The following TENM3 variants were observed in gnomAD, a reference collection of about 807,000 sequenced individuals.
The protein encoded by TENM3 is teneurin transmembrane protein 3, also known as teneurin-3.
TENM3 carries 63 observed loss-of-function variants against 255.1 expected under a neutral mutation model. That is an observed-to-expected ratio of 0.25 (90% confidence interval 0.20 to 0.30). The LOEUF (loss-of-function observed/expected upper bound fraction) is 0.30, where lower values mean the gene tolerates loss of function less well. Ranked by LOEUF, TENM3 falls within the 10% of genes least tolerant of loss-of-function variation. TENM3 has a pLI of 1.00. For synonymous variants in TENM3, 1,306 were observed against 1,322.3 expected, an observed-to-expected ratio of 0.99 and a Z score of 0.27; for missense variants, 2,929 against 3,461.1, an observed-to-expected ratio of 0.85 and a Z score of 3.86.
chr4:181,984,706 C>T, the TENM3 span, among the ~76,000 whole-genome samples: 23 of 151,724 alleles, frequency 1.5e-4, no homozygotes, highest in African/African-American at 5.6e-4. Context: ...ATTACTGTGA[C>T]ATTAATGTAC....
At chr4:182,387,725 C>T (rs1768067813) in intron 3 of TENM3, among the ~76,000 whole-genome samples, 1 of 151,958 alleles carries the variant, frequency 6.6e-6, no homozygotes, top group Non-Finnish European at 1.5e-5. Context: ...AGGTCTGCAG[C>T]TTCACTCCTG....
At chr4:182,585,471 T>A (rs138827950) in intron 3 of TENM3, among the ~76,000 whole-genome samples, 66 of 152,224 alleles carry the variant, frequency 4.3e-4, no homozygotes, top group African/African-American at 1.5e-3. Flanking sequence ...CGCATTAGCA[T>A]CCTTATAAGA....
chr4:181,873,127 G>T, the TENM3 span, among the ~76,000 whole-genome samples: 1 of 151,994 alleles, frequency 6.6e-6, no homozygotes, highest in African/African-American at 2.4e-5. Flanking sequence ...GAGTGCAGTG[G>T]CAAGATCTCA....
chr4:182,544,729 G>T (rs1741257833), intron 3 of TENM3, among the ~76,000 whole-genome samples: 1 of 152,194 alleles, frequency 6.6e-6, no homozygotes, highest in Non-Finnish European at 1.5e-5. Flanking sequence ...ATGGAAAGAA[G>T]GAGACATTCA....
At chr4:182,125,803 A>G in the TENM3 span, among the ~76,000 whole-genome samples, 1 of 150,804 alleles carries the variant, frequency 6.6e-6, no homozygotes. Context: ...AGTAATAACT[A>G]CATGCTTGGG....
chr4:182,497,999 A>G (rs1302749085), intron 3 of TENM3, among the ~76,000 whole-genome samples: 1 of 151,754 alleles, frequency 6.6e-6, no homozygotes, highest in Non-Finnish European at 1.5e-5. Flanking sequence ...AGTAATGAAA[A>G]CTCAGGATCA....
intron 6 of TENM3, among the ~76,000 whole-genome samples, chr4:182,656,424 T>C (rs1753751951): frequency 6.6e-6 from 1 of 152,200 alleles, no homozygotes. Context: ...AATATTGTTC[T>C]TAAAGACCTG....
chr4:181,889,158 T>G, the TENM3 span, among the ~76,000 whole-genome samples: 1 of 152,100 alleles, frequency 6.6e-6, no homozygotes, highest in Non-Finnish European at 1.5e-5. Context: ...TGCCCAGTGT[T>G]AGAGGTGGGG....
At chr4:181,583,560 G>A in the TENM3 span, among the ~76,000 whole-genome samples, 1 of 152,100 alleles carries the variant, frequency 6.6e-6, no homozygotes, top group Non-Finnish European at 1.5e-5. Flanking sequence ...TAAAAAACGT[G>A]GGGGCGTGCC....
At chr4:181,633,470 A>G in the TENM3 span, among the ~76,000 whole-genome samples, 2 of 152,158 alleles carry the variant, frequency 1.3e-5, no homozygotes, top group Non-Finnish European at 2.9e-5. Context: ...TGGAGGAGTC[A>G]CACTCCGAAA....
chr4:181,551,333 C>A, the TENM3 span, among the ~76,000 whole-genome samples: 7 of 152,140 alleles, frequency 4.6e-5, no homozygotes, highest in African/African-American at 1.7e-4. Flanking sequence ...GAAGGTCTTA[C>A]TTGAAATAAA....
intron 3 of TENM3, among the ~76,000 whole-genome samples, chr4:182,542,963 C>G (rs914322178): frequency 6.6e-6 from 1 of 152,206 alleles, no homozygotes; most frequent in African/African-American, 2.4e-5. Context: ...CAGCTAAGAT[C>G]ATACAGCCAG....
rs1482899383 is a variant in TENM3 at position 182,800,182 on chromosome 4, A to T, written c.7931A>T (p.Glu2644Val). ...AREQQRVRDG[E>V]EGARLWTEGE... Reference sequence around the variant, plus strand: ...GAGCAGCAGCGCGTGCGCGACGGCGAGGAGGGCGCGCGCCTCTGGACGGAG... The same window carrying T: ...GAGCAGCAGCGCGTGCGCGACGGCGTGGAGGGCGCGCGCCTCTGGACGGAG... Residue 2644 changes from glutamate to valine, a missense_variant, in exon 28 of 28, where the codon GAG becomes GTG. Glu to Val is a moderately radical substitution (Grantham distance 121). Transcript: ENST00000511685. 6.5e-7 allele frequency: 1 copy of T among 1,536,398 alleles called. No homozygotes were observed. The highest frequency in any genetic ancestry group is 1.4e-5 in the African/African-American group (1 of 70,336).
chr4:182,677,429 G>A (rs866963330), intron 7 of TENM3, among the ~76,000 whole-genome samples: 1 of 152,110 alleles, frequency 6.6e-6, no homozygotes, highest in South Asian at 2.1e-4. Flanking sequence ...TTAATGTTAG[G>A]GAAGAAAAAT....
At chr4:181,886,832 GTTTAATTCAGT>G in the TENM3 span, among the ~76,000 whole-genome samples, 2 of 152,152 alleles carry the variant, frequency 1.3e-5, no homozygotes. Context: ...TTTCAATTCA[GTTTAATTCAGT>G]TTTAATTCAG....
the TENM3 span, chr4:182,081,648 C>T: frequency 1.3e-5 from 2 of 150,920 alleles, no homozygotes; most frequent in South Asian, 2.1e-4. Flanking sequence ...AAGGCCAATG[C>T]CAAGCACACT....
At chr4:182,399,547 A>C (rs1029327275) in intron 3 of TENM3, among the ~76,000 whole-genome samples, 7 of 152,198 alleles carry the variant, frequency 4.6e-5, no homozygotes, top group Non-Finnish European at 2.9e-5. Context: ...GATTAGTAAT[A>C]TTTCAACTAC....
intron 7 of TENM3, among the ~76,000 whole-genome samples, chr4:182,676,921 G>A (rs961572880): frequency 3.9e-5 from 6 of 152,202 alleles, no homozygotes; most frequent in South Asian, 2.1e-4. Flanking sequence ...GATGGCTCCC[G>A]CGGACTAGTG....
At chr4:182,423,664 G>A (rs1286583691) in intron 3 of TENM3, among the ~76,000 whole-genome samples, 1 of 152,008 alleles carries the variant, frequency 6.6e-6, no homozygotes, top group Admixed American at 6.6e-5. Flanking sequence ...CTCCAAGATG[G>A]CCAATTTATT....
Sources: gnomAD v4.1 joint callset for allele counts (sites outside exome capture counted in the v4.1 genomes callset) on GRCh38, gnomAD v4.1.1 for gene constraint, MANE v1.5 for transcripts, NCBI Gene and HGNC (gene_info 2026-07-23, HGNC 2026-07-21) for gene names.